Variants in PCSK5 observed in about 807,000 individuals in gnomAD.
PCSK5 encodes the protein proprotein convertase subtilisin/kexin type 5, also known as prohormone convertase 5.
In PCSK5, 129 loss-of-function variants were observed where a neutral mutation model predicts 233.2. That is an observed-to-expected ratio of 0.55 (90% CI 0.48 to 0.64). The LOEUF (loss-of-function observed/expected upper bound fraction) is 0.64, where lower values mean the gene tolerates loss of function less well. Ranked by LOEUF, PCSK5 falls within the 30% of genes least tolerant of loss-of-function variation. PCSK5 has a pLI of 0.00. For synonymous variants in PCSK5, 825 were observed against 879.2 expected, an observed-to-expected ratio of 0.94 and a Z score of 1.09; for missense variants, 2,076 against 2,430.1, an observed-to-expected ratio of 0.85 and a Z score of 3.06.
intron 20 of PCSK5, among the ~76,000 whole-genome samples, chr9:76,215,693 AG>A (rs1825500307): frequency 6.6e-6 from 1 of 152,108 alleles, no homozygotes. Flanking sequence ...AGACCAAGGC[AG>A]GCAGGCGATC....
chr9:76,097,348 T>C (rs1370246785), intron 8 of PCSK5, among the ~76,000 whole-genome samples: 2 of 126,610 alleles, frequency 1.6e-5, no homozygotes, highest in Non-Finnish European at 3.1e-5. Flanking sequence ...CAAGCTCCGC[T>C]TCCCGGGTTC....
chr9:76,149,115 A>G (rs928161132), intron 10 of PCSK5, among the ~76,000 whole-genome samples: 11 of 152,226 alleles, frequency 7.2e-5, no homozygotes, highest in Non-Finnish European at 1.5e-4. Context: ...ACTGACATCC[A>G]TTAAGCTTAA....
At chr9:76,279,919 T>G (rs564172352) in intron 24 of PCSK5, among the ~76,000 whole-genome samples, 58 of 152,088 alleles carry the variant, frequency 3.8e-4, no homozygotes, top group Admixed American at 5.2e-4. Context: ...TTAGTTTAAT[T>G]AGATCCCATT....
At chr9:76,175,790 C>T (rs1171193660) in intron 14 of PCSK5, among the ~76,000 whole-genome samples, 2 of 152,072 alleles carry the variant, frequency 1.3e-5, no homozygotes, top group African/African-American at 2.4e-5. Flanking sequence ...AAGAGGTGAA[C>T]GTTTTAAAAG....
At chr9:76,030,876 G>A (rs1828626337) in intron 5 of PCSK5, among the ~76,000 whole-genome samples, 1 of 152,036 alleles carries the variant, frequency 6.6e-6, no homozygotes, top group Non-Finnish European at 1.5e-5. Flanking sequence ...AGGGTGTCCT[G>A]CTTTGACCCA....
intron 5 of PCSK5, among the ~76,000 whole-genome samples, chr9:76,060,182 T>G: frequency 6.6e-6 from 1 of 152,190 alleles, no homozygotes; most frequent in East Asian, 1.9e-4. Context: ...GCATGTTGAC[T>G]CCATTCCATG....
At chr9:76,022,346 A>G (rs925319969) in intron 3 of PCSK5, among the ~76,000 whole-genome samples, 3 of 152,260 alleles carry the variant, frequency 2.0e-5, no homozygotes, top group African/African-American at 7.2e-5. Flanking sequence ...TAGGTACTCA[A>G]TGACGTGTGT....
chr9:76,060,614 TA>T (rs1255941306), intron 5 of PCSK5, among the ~76,000 whole-genome samples: 1 of 149,288 alleles, frequency 6.7e-6, no homozygotes, highest in African/African-American at 2.6e-5. Flanking sequence ...ACTAACTAAT[TA>T]ATTTCTAGGG....
chr9:76,334,111 A>G (rs1158216535), intron 34 of PCSK5, among the ~76,000 whole-genome samples: 1 of 152,134 alleles, frequency 6.6e-6, no homozygotes, highest in Non-Finnish European at 1.5e-5. Context: ...AATGAGAGCC[A>G]GGCGAAACGG....
rs1830490076 is a variant in PCSK5, at chr9:76,071,783, T to C, written c.779T>C (p.Phe260Ser). The part of the protein sequence containing the change: ...TDMVEAKSVS[F>S]NPQHVHIYSA... ...ATGGTTGAAGCAAAATCAGTTAGCTTCAACCCCCAGCACGTGCACATTTAC... is the reference window on the plus strand; with the variant it reads ...ATGGTTGAAGCAAAATCAGTTAGCTCCAACCCCCAGCACGTGCACATTTAC... Residue 260 changes from phenylalanine (F) to serine (S), a missense_variant, in exon 7 of 38, where the codon TTC becomes TCC. Phe to Ser is a radical substitution (Grantham distance 155). Around this residue, in one of 6 missense-constraint regions of PCSK5, gnomAD observed 178 missense variants for 393.6 expected, o/e 0.45. Transcript: ENST00000674117. 1 of 1,614,014 alleles carries C rather than the reference T, an allele frequency of 6.2e-7. No individual in the cohort carries two copies.
chr9:76,180,036 G>A (rs1823780255), intron 15 of PCSK5, among the ~76,000 whole-genome samples: 1 of 143,426 alleles, frequency 7.0e-6, no homozygotes, highest in Non-Finnish European at 1.5e-5. Flanking sequence ...AGTAAAAACT[G>A]CATGTATTTA....
At position 76,071,647 on chromosome 9, in the gene PCSK5, C is replaced by T. The variant is rs1340304428; in HGVS notation, c.722-79C>T. On this transcript the variant is annotated intron_variant, in intron 6 of 37. Transcript: ENST00000674117. ...TTGATTAAAAATGTATTCTTCCCCC[C>T]GAGAATCCTGCAGCTCTGTTCTTTG... The T allele has an allele frequency of 1.6e-5, 19 of 1,212,640 alleles. No homozygotes were observed. The Admixed American group carries it at 2.0e-4, about 13-fold the overall frequency. The allele number at this position is 1,212,640 out of a possible 1,614,324, so 75.1% of individuals were successfully genotyped here. A position where few individuals can be genotyped will look rare whatever the true frequency, so the allele number is the denominator to read the frequency against.
intron 1 of PCSK5, among the ~76,000 whole-genome samples, chr9:75,901,220 C>T (rs1160723553): frequency 6.6e-6 from 1 of 152,104 alleles, no homozygotes; most frequent in Non-Finnish European, 1.5e-5. Flanking sequence ...TGGAACCAAC[C>T]CAAATGCCCA....
At chr9:76,239,694 TCAAAAAAAA>T (rs759008315) in intron 23 of PCSK5, among the ~76,000 whole-genome samples, 4 of 68,874 alleles carry the variant, frequency 5.8e-5, no homozygotes, top group Admixed American at 4.1e-4. Flanking sequence ...AGACTCCATC[TCAAAAAAAA>T]AAAAAAAGAA....
chr9:76,250,989 C>G (rs1436814693), intron 24 of PCSK5, among the ~76,000 whole-genome samples: 1 of 152,206 alleles, frequency 6.6e-6, no homozygotes, highest in Non-Finnish European at 1.5e-5. Flanking sequence ...AAAAGTAGTC[C>G]AAGCATGGTA....
chr9:76,324,227 A>T (rs988421205), intron 32 of PCSK5, among the ~76,000 whole-genome samples: 12 of 150,104 alleles, frequency 8.0e-5, no homozygotes, highest in Non-Finnish European at 1.8e-4. Flanking sequence ...CGCTCGGTCC[A>T]TATTTTGTTA....
chr9:76,332,554 C>A lies in PCSK5; in HGVS notation c.4692C>A (p.Ser1564=). 1 of 1,611,880 alleles carries A rather than the reference C, an allele frequency of 6.2e-7. No homozygotes were observed. The highest frequency in any genetic ancestry group is 8.5e-7 in the Non-Finnish European group (1 of 1,179,380). Residue 1564 remains serine, a synonymous_variant, in exon 34 of 38, where the codon TCC becomes TCA. Transcript: ENST00000674117. ...GGAGACACAGCAGGCAGTGCCACTC[C>A]TGCCGACCGGGCTGGTTCCAGCTAG... ...CEGRHSRQCH[S]CRPGWFQLGK...
intron 20 of PCSK5, among the ~76,000 whole-genome samples, chr9:76,218,250 T>A (rs1825608151): frequency 6.6e-6 from 1 of 152,110 alleles, no homozygotes; most frequent in South Asian, 2.1e-4. Context: ...CTGGCTTTGT[T>A]TGGTATAGGG....
At chr9:76,246,198 T>G (rs1209146454) in intron 24 of PCSK5, among the ~76,000 whole-genome samples, 1 of 151,674 alleles carries the variant, frequency 6.6e-6, no homozygotes, top group Non-Finnish European at 1.5e-5. Flanking sequence ...AAAAATTAGC[T>G]GAACATGATG....
Sources: allele counts gnomAD v4.1 joint callset (sites outside exome capture counted in the v4.1 genomes callset), GRCh38; gene constraint gnomAD v4.1.1; regional missense constraint gnomAD v4.1.1; transcripts MANE v1.5; gene names NCBI Gene and HGNC (gene_info 2026-07-23, HGNC 2026-07-21).